GPATCH2: variants seen among roughly 807,000 people sequenced by gnomAD.
The protein encoded by GPATCH2 is G patch domain-containing protein 2.
Under a neutral mutation model 58.0 loss-of-function variants are expected in GPATCH2, and 51 were observed. That is an observed-to-expected ratio of 0.88 (90% confidence interval 0.70 to 1.11). The LOEUF (loss-of-function observed/expected upper bound fraction) is 1.11. GPATCH2 is among the 50% of genes most tolerant of loss of function. The pLI is 0.00. For synonymous variants in GPATCH2, 222 were observed against 218.5 expected, an observed-to-expected ratio of 1.02 and a Z score of -0.14; for missense variants, 625 against 652.2, an observed-to-expected ratio of 0.96 and a Z score of 0.45.
rs374064500 is a variant in GPATCH2 at position 217,617,240 on chromosome 1, T to C, written c.773+2543A>G. Among the ~76,000 whole-genome samples the C allele has an allele frequency of 1.9e-3, 285 of 152,318 alleles. 2 individuals carry two copies. The highest frequency in any genetic ancestry group is 0.017 in the Middle Eastern group (5 of 294). ...TAAAAACAAAGTATGTATTTTCATT[T>C]CACAATTCATGCCTTTGCACAAGCT... On this transcript the variant is annotated intron_variant, in intron 2 of 9. Coordinates refer to ENST00000366935, the MANE Select transcript of GPATCH2 (RefSeq NM_018040.5).
rs17046657 is a variant in GPATCH2 at position 217,617,639 on chromosome 1, C to T, written c.773+2144G>A. The stretch of plus-strand genomic sequence containing the variant: ...AAAGCTTTGGAAGTAGTCTTGAAAA[C>T]GCTTATACTTGTTACCAAAATACCT... On this transcript the variant is annotated intron_variant, in intron 2 of 9. Transcript: ENST00000366935. Among the ~76,000 whole-genome samples, 513 of 152,238 alleles carry T rather than the reference C, an allele frequency of 3.4e-3. 7 individuals are homozygous for T. Among genetic ancestry groups the T allele is most frequent in the African/African-American group, 0.011 (476 of 41,546 alleles).
chr1:217,619,898 C>T lies in GPATCH2; in HGVS notation c.658G>A (p.Gly220Arg), dbSNP rs767115945. The change falls in exon 2 of 10, where the codon GGA becomes AGA. Residue 220 changes from glycine to arginine, a missense_variant. Transcript: ENST00000366935. ...ACTCCTTCATCTTGGATTTTTGGTC[C>T]TTGTCTGATTATTTTCAACTTTCTT... The part of the protein sequence containing the change: ...KKRKLKIIRQ[G>R]PKIQDEGVVL... The T allele has an allele frequency of 6.2e-7, 1 of 1,613,526 alleles. No individual in the cohort carries two copies. The highest frequency in any genetic ancestry group is 8.5e-7 in the Non-Finnish European group (1 of 1,179,750).
intron 6 of GPATCH2, among the ~76,000 whole-genome samples, chr1:217,514,455 G>A (rs1026085104): frequency 1.3e-5 from 2 of 152,192 alleles, no homozygotes; most frequent in Admixed American, 1.3e-4. Context: ...CACCATGACT[G>A]GCTTATTACT....
intron 5 of GPATCH2, among the ~76,000 whole-genome samples, chr1:217,531,068 CACACTTTA>C (rs1664164715): frequency 1.0e-5 from 1 of 96,078 alleles, no homozygotes; most frequent in Admixed American, 1.2e-4. Context: ...CACACACACA[CACACTTTA>C]TTTAATTTTA....
intron 5 of GPATCH2, among the ~76,000 whole-genome samples, chr1:217,580,043 A>C (rs1666990755): frequency 6.6e-6 from 1 of 152,212 alleles, no homozygotes; most frequent in South Asian, 2.1e-4. Context: ...TTTTGCTACA[A>C]TAATTTTATT....
At chr1:217,468,911 A>G (rs1264814298) in intron 8 of GPATCH2, among the ~76,000 whole-genome samples, 2 of 152,106 alleles carry the variant, frequency 1.3e-5, no homozygotes, top group African/African-American at 4.8e-5. Flanking sequence ...AAAATTTTCT[A>G]TGATAAAATA....
At chr1:217,618,979 T>C (rs1192198300) in intron 2 of GPATCH2, among the ~76,000 whole-genome samples, 2 of 150,144 alleles carry the variant, frequency 1.3e-5, no homozygotes, top group African/African-American at 2.4e-5. Context: ...AAAAAAAAGA[T>C]AGCAGCCCTA....
intron 5 of GPATCH2, among the ~76,000 whole-genome samples, chr1:217,562,828 G>A (rs1665996204): frequency 1.3e-5 from 2 of 152,108 alleles, no homozygotes; most frequent in South Asian, 4.1e-4. Context: ...TTGTTGTAAA[G>A]GTTAACTAAG....
At chr1:217,510,975 G>A (rs570433546) in intron 6 of GPATCH2, among the ~76,000 whole-genome samples, 2 of 152,184 alleles carry the variant, frequency 1.3e-5, no homozygotes, top group East Asian at 3.9e-4. Context: ...GCGCACGCCT[G>A]TAGTCCCAGT....
intron 9 of GPATCH2, among the ~76,000 whole-genome samples, chr1:217,432,149 C>A (rs1658569712): frequency 6.6e-6 from 1 of 151,730 alleles, no homozygotes; most frequent in African/African-American, 2.4e-5. Context: ...TCTTCCTTCC[C>A]TTCCCTCCCT....
At chr1:217,543,278 T>TG in intron 5 of GPATCH2, among the ~76,000 whole-genome samples, 1 of 150,374 alleles carries the variant, frequency 6.7e-6, no homozygotes, top group Non-Finnish European at 1.5e-5. Context: ...CGTTTTTTTT[T>TG]TTTTTTTTTG....
At chr1:217,432,976 A>C (rs1658616398) in intron 9 of GPATCH2, among the ~76,000 whole-genome samples, 1 of 152,098 alleles carries the variant, frequency 6.6e-6, no homozygotes, top group East Asian at 1.9e-4. Flanking sequence ...AATGTGGACC[A>C]TGTCTTCCTA....
intron 5 of GPATCH2, 78 bp downstream of exon 5, chr1:217,610,243 G>A (rs1644516034): frequency 2.0e-6 from 3 of 1,509,454 alleles, no homozygotes; most frequent in Admixed American, 1.7e-5. Context: ...ATGAATAAAG[G>A]ATGAGGATGT....
At chr1:217,614,060 A>G in intron 3 of GPATCH2, 81 bp downstream of exon 3, 1 of 815,194 alleles carries the variant, frequency 1.2e-6, no homozygotes, top group South Asian at 1.4e-5. Context: ...GCAGTCATCA[A>G]CTTATGAAAT....
intron 5 of GPATCH2, among the ~76,000 whole-genome samples, chr1:217,594,135 A>T (rs868048822): frequency 1.3e-5 from 2 of 152,228 alleles, no homozygotes; most frequent in East Asian, 3.9e-4. Flanking sequence ...CTAAATTTTA[A>T]ACTGAATATA....
chr1:217,495,147 A>C (rs1268656239), intron 7 of GPATCH2: 2 of 255,424 alleles, frequency 7.8e-6, no homozygotes, highest in Admixed American at 6.5e-5. Flanking sequence ...ACCTAGGTAC[A>C]ATTGGAAAAA....
chr1:217,577,833 C>T (rs997884085), intron 5 of GPATCH2, among the ~76,000 whole-genome samples: 1 of 152,002 alleles, frequency 6.6e-6, no homozygotes. Flanking sequence ...TCGCAACCTC[C>T]GCCTCCCAGG....
intron 5 of GPATCH2, among the ~76,000 whole-genome samples, chr1:217,585,150 G>T (rs1667278961): frequency 6.6e-6 from 1 of 151,964 alleles, no homozygotes; most frequent in Non-Finnish European, 1.5e-5. Context: ...CTATTTATAA[G>T]AATGGGATCT....
intron 5 of GPATCH2, among the ~76,000 whole-genome samples, chr1:217,515,767 T>A (rs1663108289): frequency 6.9e-6 from 1 of 145,812 alleles, no homozygotes; most frequent in African/African-American, 2.5e-5. Flanking sequence ...TAAATATCCT[T>A]TAAAAAAAAA....
Sources: allele counts gnomAD v4.1 joint callset (sites outside exome capture counted in the v4.1 genomes callset), GRCh38; gene constraint gnomAD v4.1.1; transcripts MANE v1.5; gene names NCBI Gene and HGNC (gene_info 2026-07-23, HGNC 2026-07-21).